Variants in SEMA5A observed in about 807,000 individuals in gnomAD.
SEMA5A encodes the protein semaphorin 5A, also known as semaphorin-5A.
Under a neutral mutation model 135.5 loss-of-function variants are expected in SEMA5A, and 55 were observed. That is an observed-to-expected ratio of 0.41 (90% CI 0.33 to 0.51). SEMA5A has a LOEUF of 0.51. Among genes scored for constraint, SEMA5A ranks in the 20% least tolerant of loss-of-function variants. The pLI is 0.37. For synonymous variants in SEMA5A, 580 were observed against 546.5 expected (o/e 1.06, Z -0.85); for missense variants, 1,290 against 1,419.9 (o/e 0.91, Z 1.47).
At chr5:9,493,554 T>C (rs1735146868) in intron 1 of SEMA5A, among the ~76,000 whole-genome samples, 1 of 152,150 alleles carries the variant, frequency 6.6e-6, no homozygotes. Flanking sequence ...TTGAAAGCCA[T>C]GGGGCAATGG....
chr5:9,138,855 C>T (rs1814177), intron 12 of SEMA5A, among the ~76,000 whole-genome samples: 11,599 of 152,240 alleles, frequency 0.076, 473 homozygotes, highest in South Asian at 0.15. Context: ...GAACATGCGA[C>T]GTTTGCTTTT....
intron 5 of SEMA5A, among the ~76,000 whole-genome samples, chr5:9,265,901 A>G (rs1398317994): frequency 6.6e-6 from 1 of 152,198 alleles, no homozygotes; most frequent in Non-Finnish European, 1.5e-5. Context: ...GAAAAATGCT[A>G]GGCGGAGAAG....
chr5:9,298,223 C>G (rs1751437225), intron 5 of SEMA5A, among the ~76,000 whole-genome samples: 1 of 152,136 alleles, frequency 6.6e-6, no homozygotes, highest in African/African-American at 2.4e-5. Flanking sequence ...CTGAGCCAGA[C>G]AAGCATAGAG....
chr5:9,500,111 A>T (rs1735509379), intron 1 of SEMA5A, among the ~76,000 whole-genome samples: 1 of 152,218 alleles, frequency 6.6e-6, no homozygotes, highest in Admixed American at 6.5e-5. Flanking sequence ...TGGCTATGCA[A>T]CTTTTTGGAG....
chr5:9,502,244 T>A (rs1735637376), intron 1 of SEMA5A, among the ~76,000 whole-genome samples: 1 of 152,208 alleles, frequency 6.6e-6, no homozygotes, highest in Admixed American at 6.5e-5. Flanking sequence ...TCTGTAGCAG[T>A]TAAGACAGAG....
intron 11 of SEMA5A, among the ~76,000 whole-genome samples, chr5:9,184,588 T>C (rs1744707567): frequency 6.6e-6 from 1 of 152,220 alleles, no homozygotes; most frequent in Admixed American, 6.5e-5. Context: ...ACTCTGTGTC[T>C]AAGCTTTAGC....
At chr5:9,494,661 T>A (rs1735212114) in intron 1 of SEMA5A, among the ~76,000 whole-genome samples, 1 of 149,704 alleles carries the variant, frequency 6.7e-6, no homozygotes, top group Non-Finnish European at 1.5e-5. Context: ...TTCCACAATG[T>A]CCCTTATCCT....
chr5:9,092,730 T>C (rs1013957180), intron 16 of SEMA5A, among the ~76,000 whole-genome samples: 6 of 152,182 alleles, frequency 3.9e-5, no homozygotes, highest in Admixed American at 3.9e-4. Context: ...TGTTGCATTG[T>C]AAGAGATAGT....
chr5:9,305,753 CACAT>C (rs1189703750), intron 5 of SEMA5A, among the ~76,000 whole-genome samples: 7 of 137,490 alleles, frequency 5.1e-5, no homozygotes, highest in Admixed American at 7.2e-5. Context: ...CACACACACA[CACAT>C]ATATACACAT....
intron 1 of SEMA5A, among the ~76,000 whole-genome samples, chr5:9,495,384 T>C (rs1433634506): frequency 2.0e-5 from 3 of 152,176 alleles, no homozygotes; most frequent in African/African-American, 4.8e-5. Context: ...GGGGAGAAGC[T>C]GATTGTTACA....
At chr5:9,288,656 T>C (rs1320276416) in intron 5 of SEMA5A, among the ~76,000 whole-genome samples, 1 of 152,220 alleles carries the variant, frequency 6.6e-6, no homozygotes, top group African/African-American at 2.4e-5. Flanking sequence ...AACACTCTCA[T>C]GAATGAAATT....
intron 2 of SEMA5A, among the ~76,000 whole-genome samples, chr5:9,424,017 T>C (rs1757560405): frequency 6.6e-6 from 1 of 152,138 alleles, no homozygotes; most frequent in Admixed American, 6.5e-5. Context: ...GAGAACACAG[T>C]GCAGCAAATT....
intron 5 of SEMA5A, among the ~76,000 whole-genome samples, chr5:9,290,924 C>T (rs1256494716): frequency 1.3e-5 from 2 of 152,138 alleles, no homozygotes; most frequent in African/African-American, 2.4e-5. Context: ...AAAACCCTTC[C>T]AATATTTCCC....
chr5:9,377,303 C>G (rs1187037100), intron 3 of SEMA5A, among the ~76,000 whole-genome samples: 1 of 151,942 alleles, frequency 6.6e-6, no homozygotes, highest in Non-Finnish European at 1.5e-5. Context: ...AGTAGCCTAA[C>G]CCATAAAATA....
At chr5:9,338,038 G>A (rs1753474140) in intron 3 of SEMA5A, among the ~76,000 whole-genome samples, 1 of 152,062 alleles carries the variant, frequency 6.6e-6, no homozygotes, top group African/African-American at 2.4e-5. Context: ...GAGCAAGCGA[G>A]GCATCAATGC....
At chr5:9,539,567 C>T (rs11951779) in intron 1 of SEMA5A, among the ~76,000 whole-genome samples, 1 of 152,040 alleles carries the variant, frequency 6.6e-6, no homozygotes, top group Admixed American at 6.6e-5. Flanking sequence ...TGAGAACATC[C>T]CTGAATTTCA....
intron 2 of SEMA5A, among the ~76,000 whole-genome samples, chr5:9,412,487 T>C (rs1051859079): frequency 2.4e-5 from 2 of 82,170 alleles, no homozygotes; most frequent in Non-Finnish European, 4.8e-5. Flanking sequence ...TACTACTTCA[T>C]TGCTTTTTTT....
intron 2 of SEMA5A, among the ~76,000 whole-genome samples, chr5:9,397,753 C>T (rs928789826): frequency 3.9e-5 from 6 of 152,230 alleles, no homozygotes; most frequent in African/African-American, 1.4e-4. Flanking sequence ...CTCTAATTCA[C>T]ACCACCAGAG....
chr5:9,461,376 T>A (rs1759051093), intron 1 of SEMA5A, among the ~76,000 whole-genome samples: 1 of 152,156 alleles, frequency 6.6e-6, no homozygotes, highest in African/African-American at 2.4e-5. Flanking sequence ...TGACACCAAA[T>A]GGAAATGCTT....
Sources: gnomAD v4.1 joint callset for allele counts (sites outside exome capture counted in the v4.1 genomes callset) on GRCh38, gnomAD v4.1.1 for gene constraint, MANE v1.5 for transcripts, NCBI Gene and HGNC (gene_info 2026-07-23, HGNC 2026-07-21) for gene names.